Variants in LMO7 observed in about 807,000 individuals in gnomAD.
LMO7 encodes LIM domain only protein 7.
A neutral mutation model predicts 206.5 loss-of-function variants in LMO7; 120 were observed. The ratio of observed to expected loss-of-function variants is 0.58; its 90% CI spans 0.50 to 0.68. LMO7 has a LOEUF of 0.68. Ranked by LOEUF, LMO7 falls within the 30% of genes least tolerant of loss-of-function variation. The pLI is 0.00. For synonymous variants in LMO7, 706 were observed against 681.5 expected (o/e 1.04, Z -0.56); for missense variants, 1,959 against 1,957.9 (o/e 1.00, Z -0.01).
intron 4 of LMO7, among the ~76,000 whole-genome samples, chr13:75,766,828 G>A (rs559480627): frequency 1.4e-4 from 21 of 152,048 alleles, no homozygotes; most frequent in Non-Finnish European, 2.2e-4. Flanking sequence ...ACATCTTTGC[G>A]TGTTTATTTG....
intron 15 of LMO7, among the ~76,000 whole-genome samples, chr13:75,828,003 A>G (rs34674775): frequency 0.11 from 16,726 of 152,200 alleles, 1,208 homozygotes; most frequent in African/African-American, 0.2. Flanking sequence ...GTGGAACACA[A>G]TCCTACATTT....
At chr13:75,669,602 G>A (rs549109028) in intron 1 of LMO7, among the ~76,000 whole-genome samples, 16 of 152,232 alleles carry the variant, frequency 1.1e-4, no homozygotes, top group East Asian at 5.8e-4. Context: ...AGCAATGCCC[G>A]CCTAGCCTCA....
At chr13:75,704,736 A>G (rs1594390059) in intron 1 of LMO7, among the ~76,000 whole-genome samples, 1 of 152,218 alleles carries the variant, frequency 6.6e-6, no homozygotes, top group East Asian at 1.9e-4. Flanking sequence ...GATTTAAGTC[A>G]TGTGGATTAT....
At chr13:75,677,744 A>AACTCG in intron 1 of LMO7, among the ~76,000 whole-genome samples, 1 of 150,392 alleles carries the variant, frequency 6.6e-6, no homozygotes, top group East Asian at 2.0e-4. Flanking sequence ...TGCACCCATT[A>AACTCG]ACTCGTCATT....
chr13:75,672,043 T>A (rs180981970), intron 1 of LMO7, among the ~76,000 whole-genome samples: 3 of 152,276 alleles, frequency 2.0e-5, no homozygotes, highest in Non-Finnish European at 2.9e-5. Flanking sequence ...ACCCTCAGCA[T>A]GCCTGGAGGA....
intron 1 of LMO7, among the ~76,000 whole-genome samples, chr13:75,711,980 C>A (rs1159696020): frequency 1.3e-5 from 2 of 152,206 alleles, no homozygotes; most frequent in Non-Finnish European, 2.9e-5. Flanking sequence ...CCTCCTGGCC[C>A]AGGCTCCTGT....
intron 4 of LMO7, among the ~76,000 whole-genome samples, chr13:75,786,216 A>G (rs1237172903): frequency 2.6e-5 from 4 of 152,076 alleles, no homozygotes; most frequent in Non-Finnish European, 5.9e-5. Flanking sequence ...GATTGATATA[A>G]AGTGTCTGTG....
intron 1 of LMO7, among the ~76,000 whole-genome samples, chr13:75,674,059 TTCTC>T (rs1287980797): frequency 2.6e-5 from 4 of 152,252 alleles, no homozygotes; most frequent in Non-Finnish European, 5.9e-5. Flanking sequence ...AATAAAAACT[TTCTC>T]TCAAAGTGGT....
chr13:75,786,578 G>A (rs1050680372), intron 4 of LMO7, among the ~76,000 whole-genome samples: 27 of 152,004 alleles, frequency 1.8e-4, no homozygotes, highest in African/African-American at 5.3e-4. Flanking sequence ...GTAGAGATGG[G>A]GTTTCACCGT....
chr13:75,824,940 A>T (rs1195989503), intron 15 of LMO7, among the ~76,000 whole-genome samples: 2 of 152,158 alleles, frequency 1.3e-5, no homozygotes, highest in African/African-American at 2.4e-5. Context: ...GGGAAAACTT[A>T]AAAAATTTAA....
chr13:75,838,167 T>TA lies in LMO7; in HGVS notation c.3427dup (p.Arg1143LysfsTer7). The TA allele has an allele frequency of 1.2e-6, 2 of 1,605,968 alleles. No individual in the cohort carries two copies. Among genetic ancestry groups the TA allele is most frequent in the Non-Finnish European group, 1.7e-6 (2 of 1,172,832 alleles). On this transcript the variant is annotated frameshift_variant, in exon 20 of 31. Transcript: ENST00000377534. LOFTEE classifies it high-confidence loss of function. ...TCTGAATCCATTTCTTTGAAAAACT[T>TA]AAAAAGGCGATCACAATTTTTTGAA... is the stretch of plus-strand genomic sequence containing the variant.
chr13:75,832,149 T>C (rs1045669453), intron 15 of LMO7, among the ~76,000 whole-genome samples: 2 of 152,178 alleles, frequency 1.3e-5, no homozygotes, highest in Non-Finnish European at 2.9e-5. Context: ...TTAAAATCTA[T>C]CTGTTGCTTA....
At chr13:75,640,344 G>A (rs2036414793) in intron 1 of LMO7, among the ~76,000 whole-genome samples, 2 of 152,144 alleles carry the variant, frequency 1.3e-5, no homozygotes, top group South Asian at 4.1e-4. Context: ...GATGCTGATG[G>A]TAGAGCAACA....
intron 1 of LMO7, among the ~76,000 whole-genome samples, chr13:75,652,138 T>A (rs989236118): frequency 2.7e-5 from 4 of 149,784 alleles, no homozygotes; most frequent in African/African-American, 9.8e-5. Context: ...AATATTATAG[T>A]TTTTTTTTTC....
rs754647967 is a variant in LMO7 at position 75,817,143 on chromosome 13, T to C, written c.1947-18T>C. The stretch of plus-strand genomic sequence containing the variant: ...GTCATGTGAACTTCCGTAGTAACCA[T>C]GAGTCTTTTTGTTGTAGGAGTAAGT... On this transcript the variant is annotated intron_variant, in intron 11 of 30. Transcript: ENST00000377534. 26 of 1,572,720 alleles carry C rather than the reference T, an allele frequency of 1.7e-5. No homozygotes were observed. The South Asian group carries it at 2.9e-4, about 18-fold the overall frequency.
At chr13:75,692,815 T>G (rs2041600352) in intron 1 of LMO7, among the ~76,000 whole-genome samples, 1 of 152,236 alleles carries the variant, frequency 6.6e-6, no homozygotes, top group Non-Finnish European at 1.5e-5. Context: ...GAGATTTAAC[T>G]TATTTCCTCA....
At chr13:75,770,816 C>T (rs907331351) in intron 4 of LMO7, among the ~76,000 whole-genome samples, 1 of 152,102 alleles carries the variant, frequency 6.6e-6, no homozygotes, top group Non-Finnish European at 1.5e-5. Flanking sequence ...CCAGGTATTT[C>T]TCTTTTGCTT....
chr13:75,624,186 G>A (rs2033721761), intron 2 of LMO7, among the ~76,000 whole-genome samples: 1 of 152,192 alleles, frequency 6.6e-6, no homozygotes, highest in Non-Finnish European at 1.5e-5. Context: ...CCCTCTAGGT[G>A]CCATAAAGTA....
intron 20 of LMO7, chr13:75,838,453 T>TAAAAAAAA (rs35202291): frequency 9.7e-6 from 2 of 206,158 alleles, no homozygotes; most frequent in Non-Finnish European, 1.7e-5. Flanking sequence ...TTTAACTTTG[T>TAAAAAAAA]AAAAAAAAAA....
Sources: allele counts gnomAD v4.1 joint callset (sites outside exome capture counted in the v4.1 genomes callset), GRCh38; gene constraint gnomAD v4.1.1; transcripts MANE v1.5; gene names NCBI Gene and HGNC (gene_info 2026-07-23, HGNC 2026-07-21).